Variants in RAB38 observed in about 807,000 individuals in gnomAD.
RAB38 encodes RAB38, member RAS oncogene family.
In RAB38, 15 loss-of-function variants were observed where a neutral mutation model predicts 18.4. That is an observed-to-expected ratio of 0.82 (90% CI 0.55 to 1.26). The LOEUF is 1.26. Ranked by LOEUF, RAB38 falls within the 50% of genes most tolerant of loss-of-function variation. The pLI, the probability that RAB38 is intolerant of heterozygous loss-of-function variation, is 0.00. For synonymous variants in RAB38, 101 were observed against 104.4 expected, an observed-to-expected ratio of 0.97 and a Z score of 0.20; for missense variants, 294 against 267.4, an observed-to-expected ratio of 1.10 and a Z score of -0.69.
chr11:87,862,998 C>T, the RAB38 span, among the ~76,000 whole-genome samples: 2 of 151,876 alleles, frequency 1.3e-5, no homozygotes, highest in Non-Finnish European at 2.9e-5. Context: ...GCACTAATCA[C>T]TGAGCTTCTC....
chr11:87,842,166 A>C, the RAB38 span, among the ~76,000 whole-genome samples: 1 of 152,186 alleles, frequency 6.6e-6, no homozygotes, highest in South Asian at 2.1e-4. Context: ...TAGAAAAAGA[A>C]AAGGAAATTT....
the RAB38 span, among the ~76,000 whole-genome samples, chr11:87,823,983 T>G: frequency 6.6e-6 from 1 of 152,150 alleles, no homozygotes; most frequent in African/African-American, 2.4e-5. Flanking sequence ...GCTCATGAAA[T>G]TAAAGGCTTT....
At chr11:88,152,606 T>C (rs1253262501) in intron 1 of RAB38, among the ~76,000 whole-genome samples, 1 of 152,204 alleles carries the variant, frequency 6.6e-6, no homozygotes, top group African/African-American at 2.4e-5. Context: ...GATCAGAGCA[T>C]TTCTAGCACT....
At chr11:87,816,699 T>TAG in the RAB38 span, among the ~76,000 whole-genome samples, 3 of 151,938 alleles carry the variant, frequency 2.0e-5, no homozygotes, top group Non-Finnish European at 4.4e-5. Context: ...TGTGTGTGTA[T>TAG]AGAGAGAGAA....
the RAB38 span, among the ~76,000 whole-genome samples, chr11:87,862,560 C>A: frequency 2.0e-5 from 3 of 151,586 alleles, no homozygotes; most frequent in East Asian, 3.9e-4. Context: ...CTAATAGGTA[C>A]TGGGCTTAAT....
the RAB38 span, among the ~76,000 whole-genome samples, chr11:87,834,792 G>C: frequency 1.3e-5 from 2 of 152,182 alleles, no homozygotes; most frequent in Admixed American, 6.5e-5. Flanking sequence ...CTATAAACTT[G>C]ACAGTAGAAC....
the RAB38 span, among the ~76,000 whole-genome samples, chr11:87,809,458 A>T: frequency 6.6e-6 from 1 of 152,326 alleles, no homozygotes; most frequent in East Asian, 1.9e-4. Flanking sequence ...CAGCAACACA[A>T]GGCCAAGTCA....
chr11:87,846,404 C>A, the RAB38 span, among the ~76,000 whole-genome samples: 27 of 151,840 alleles, frequency 1.8e-4, no homozygotes, highest in Non-Finnish European at 3.5e-4. Context: ...TGGGGAGAAT[C>A]GATATGAAAG....
In RAB38 at chr11:88,117,370, T is replaced by C. The variant is rs189437107; in HGVS notation, c.484-3230A>G. ...CAGATCTCTGTAGAGCCTTGAATAC[T>C]AAATTTGTCAAGTAGAGCCATTGAG... On this transcript the variant is annotated intron_variant, in intron 2 of 2. Coordinates refer to ENST00000243662, the MANE Select transcript of RAB38 (RefSeq NM_022337.3). Among the ~76,000 whole-genome samples the C allele has an allele frequency of 6.7e-4, 102 of 152,334 alleles. 1 individual carries two copies. Among genetic ancestry groups the C allele is most frequent in the East Asian group, 3.7e-3 (19 of 5,184 alleles).
At chr11:88,056,309 A>C in the RAB38 span, among the ~76,000 whole-genome samples, 11 of 152,204 alleles carry the variant, frequency 7.2e-5, no homozygotes, top group Non-Finnish European at 1.6e-4. Flanking sequence ...GAAGATGTCT[A>C]ACTGAGAAGA....
chr11:88,029,584 T>C, the RAB38 span, among the ~76,000 whole-genome samples: 1 of 152,082 alleles, frequency 6.6e-6, no homozygotes, highest in Non-Finnish European at 1.5e-5. Context: ...GCAGTCCTAG[T>C]CTCTGATAAA....
chr11:88,064,689 A>G, the RAB38 span, among the ~76,000 whole-genome samples: 1 of 152,246 alleles, frequency 6.6e-6, no homozygotes, highest in Non-Finnish European at 1.5e-5. Context: ...CAGCTTTCCA[A>G]GTAATAACAC....
the RAB38 span, among the ~76,000 whole-genome samples, chr11:87,865,246 G>A: frequency 6.6e-6 from 1 of 151,696 alleles, no homozygotes; most frequent in African/African-American, 2.4e-5. Flanking sequence ...AAAGGATTTT[G>A]TAAATATGAT....
At chr11:88,103,750 G>T in the RAB38 span, among the ~76,000 whole-genome samples, 7 of 152,114 alleles carry the variant, frequency 4.6e-5, no homozygotes, top group African/African-American at 1.2e-4. Flanking sequence ...AATTCCAAAG[G>T]GAAACCTTGC....
the RAB38 span, among the ~76,000 whole-genome samples, chr11:88,070,374 G>A: frequency 6.6e-6 from 1 of 152,124 alleles, no homozygotes; most frequent in Non-Finnish European, 1.5e-5. Context: ...ACATCAGAAG[G>A]AACAAACTCC....
chr11:87,878,281 T>TCTAC, the RAB38 span, among the ~76,000 whole-genome samples: 3 of 140,022 alleles, frequency 2.1e-5, no homozygotes, highest in South Asian at 6.7e-4. Context: ...TATCTATCTA[T>TCTAC]CTATCTATCT....
At chr11:88,062,485 C>A in the RAB38 span, among the ~76,000 whole-genome samples, 1 of 152,174 alleles carries the variant, frequency 6.6e-6, no homozygotes, top group African/African-American at 2.4e-5. Context: ...CGGACTAATA[C>A]AAATACTGTC....
At chr11:88,094,594 CT>C in the RAB38 span, among the ~76,000 whole-genome samples, 1 of 151,842 alleles carries the variant, frequency 6.6e-6, no homozygotes, top group Non-Finnish European at 1.5e-5. Context: ...ATTATGTGAA[CT>C]CTTTTACATG....
At chr11:87,934,815 A>C in the RAB38 span, among the ~76,000 whole-genome samples, 6 of 152,298 alleles carry the variant, frequency 3.9e-5, no homozygotes, top group African/African-American at 1.4e-4. Context: ...TAGGGAATAG[A>C]AAAGATGAAA....
Sources: gnomAD v4.1 joint callset for allele counts (sites outside exome capture counted in the v4.1 genomes callset) on GRCh38, gnomAD v4.1.1 for gene constraint, MANE v1.5 for transcripts, NCBI Gene and HGNC (gene_info 2026-07-23, HGNC 2026-07-21) for gene names.